The following PACC1 variants were observed in gnomAD, a reference collection of about 807,000 sequenced individuals.
The protein encoded by PACC1 is proton activated chloride channel 1.
PACC1 carries 34 observed loss-of-function variants against 39.7 expected under a neutral mutation model. The ratio of observed to expected loss-of-function variants is 0.86; its 90% confidence interval spans 0.65 to 1.14. The LOEUF is 1.14. Ranked by LOEUF, PACC1 falls within the 50% of genes most tolerant of loss-of-function variation. PACC1 has a pLI of 0.00. For synonymous variants in PACC1, 127 were observed against 160.6 expected (o/e 0.79, Z 1.58); for missense variants, 379 against 436.4 (o/e 0.87, Z 1.17).
rs768121382 is a variant in PACC1 at position 212,380,056 on chromosome 1, C to A, written c.496-19G>T. The A allele has an allele frequency of 8.7e-6, 14 of 1,612,784 alleles. No individual in the cohort carries two copies. The highest frequency in any genetic ancestry group is 1.2e-5 in the Non-Finnish European group (14 of 1,179,764). On this transcript the variant is annotated intron_variant, in intron 4 of 7. Coordinates refer to ENST00000261455, the MANE Select transcript of PACC1 (RefSeq NM_018252.3). ...CAGATTTCTGCAGAGAGAAAAAGGACAGAGTCTCAGTCCTGGGAGAGTACA... is the reference window on the plus strand; with the variant it reads ...CAGATTTCTGCAGAGAGAAAAAGGAAAGAGTCTCAGTCCTGGGAGAGTACA...
intron 7 of PACC1, among the ~76,000 whole-genome samples, chr1:212,365,978 T>C (rs140511096): frequency 6.6e-6 from 1 of 152,238 alleles, no homozygotes; most frequent in African/African-American, 2.4e-5. Flanking sequence ...TCTAGTCCAA[T>C]GGCTGTCTTT....
Position 212,375,218 on chromosome 1 carries a change from T to G in PACC1, c.866A>C (p.Asp289Ala), listed in dbSNP as rs777334103. The G allele has an allele frequency of 1.2e-6, 2 of 1,613,714 alleles. No homozygotes were observed. Among genetic ancestry groups the G allele is most frequent in the East Asian group, 4.5e-5 (2 of 44,882 alleles). Residue 289 changes from aspartate to alanine, a missense_variant, in exon 7 of 8, where the codon GAT becomes GCT. Coordinates refer to ENST00000261455, the MANE Select transcript of PACC1 (RefSeq NM_018252.3). ...QLFFVVFEWKDPFIQKVQDIV... is the reference protein window; with the variant it reads ...QLFFVVFEWKAPFIQKVQDIV... Reference sequence around the variant, plus strand: ...ATCTTGGACTTTCTGGATGAAAGGATCTTTCCATTCAAAGACCACAAAAAA... The same window carrying G: ...ATCTTGGACTTTCTGGATGAAAGGAGCTTTCCATTCAAAGACCACAAAAAA...
At chr1:212,407,056 C>A (rs1661944647) in intron 2 of PACC1, among the ~76,000 whole-genome samples, 2 of 152,200 alleles carry the variant, frequency 1.3e-5, no homozygotes. Context: ...GTGAATATGT[C>A]AAGTTGCATG....
chr1:212,385,211 G>A, intron 4 of PACC1, 63 bp downstream of exon 4: 1 of 1,596,280 alleles, frequency 6.3e-7, no homozygotes, highest in East Asian at 2.2e-5. Flanking sequence ...GGAAACTTGG[G>A]GCCTTGGGTT....
At chr1:212,376,994 T>C (rs1660688814) in intron 6 of PACC1, 1 of 152,328 alleles carries the variant, frequency 6.6e-6, no homozygotes, top group Admixed American at 6.5e-5. Context: ...AAGACAATAA[T>C]AGTATGTTAT....
intron 1 of PACC1, among the ~76,000 whole-genome samples, chr1:212,412,792 C>T (rs1311014423): frequency 1.3e-5 from 2 of 152,232 alleles, no homozygotes; most frequent in African/African-American, 2.4e-5. Flanking sequence ...GCATCCTGGA[C>T]GCAGGAGCTG....
chr1:212,407,299 AG>A (rs1308788149), intron 2 of PACC1, among the ~76,000 whole-genome samples: 1 of 152,228 alleles, frequency 6.6e-6, no homozygotes, highest in Non-Finnish European at 1.5e-5. Flanking sequence ...GGAATGCAGG[AG>A]GCCTCCAGAA....
At chr1:212,402,669 G>C (rs924882666) in intron 2 of PACC1, among the ~76,000 whole-genome samples, 1 of 152,078 alleles carries the variant, frequency 6.6e-6, no homozygotes, top group African/African-American at 2.4e-5. Flanking sequence ...TTTTGAGGGG[G>C]ACGGGAATGG....
intron 7 of PACC1, among the ~76,000 whole-genome samples, chr1:212,369,435 C>T (rs766912946): frequency 4.6e-5 from 7 of 152,258 alleles, no homozygotes; most frequent in East Asian, 1.9e-4. Flanking sequence ...CAAGACCCAA[C>T]GGTATGCTGC....
chr1:212,401,622 C>CAAAAA (rs770201392), intron 2 of PACC1, among the ~76,000 whole-genome samples: 2 of 44,914 alleles, frequency 4.5e-5, no homozygotes, highest in Non-Finnish European at 7.9e-5. Context: ...ACTCTTGTCT[C>CAAAAA]AAAAAAAAAA....
At chr1:212,382,015 A>C (rs1214617204) in intron 4 of PACC1, among the ~76,000 whole-genome samples, 1 of 150,760 alleles carries the variant, frequency 6.6e-6, no homozygotes, top group Non-Finnish European at 1.5e-5. Flanking sequence ...ACTAATACAC[A>C]ATTTGTTAGC....
chr1:212,381,360 C>T (rs1053744076), intron 4 of PACC1, among the ~76,000 whole-genome samples: 7 of 152,272 alleles, frequency 4.6e-5, no homozygotes, highest in Non-Finnish European at 8.8e-5. Flanking sequence ...TTCTGGTTTT[C>T]GTTGCATCTT....
chr1:212,395,785 T>C (rs141188100), intron 2 of PACC1, among the ~76,000 whole-genome samples: 8,092 of 151,330 alleles, frequency 0.053, 334 homozygotes, highest in Admixed American at 0.11. Flanking sequence ...AGGATATGAA[T>C]GGATACTTCT....
intron 2 of PACC1, among the ~76,000 whole-genome samples, chr1:212,398,838 G>C (rs1235986622): frequency 6.6e-6 from 1 of 152,158 alleles, no homozygotes; most frequent in Non-Finnish European, 1.5e-5. Context: ...TTCTCCCCGA[G>C]AAAGTATCCT....
intron 1 of PACC1, among the ~76,000 whole-genome samples, chr1:212,411,939 G>A (rs913533960): frequency 6.6e-6 from 1 of 152,064 alleles, no homozygotes; most frequent in Non-Finnish European, 1.5e-5. Flanking sequence ...TCAGGAGTTC[G>A]AGACCTGCCT....
chr1:212,389,293 A>G (rs1571656425), intron 2 of PACC1, among the ~76,000 whole-genome samples: 1 of 152,190 alleles, frequency 6.6e-6, no homozygotes, highest in Non-Finnish European at 1.5e-5. Context: ...GCAACTAAAT[A>G]TATGTTCAGA....
chr1:212,382,030 A>C (rs1328731319), intron 4 of PACC1, among the ~76,000 whole-genome samples: 8 of 137,654 alleles, frequency 5.8e-5, no homozygotes, highest in Admixed American at 5.2e-4. Context: ...GTTAGCTGAC[A>C]CTGGAGTGTT....
intron 2 of PACC1, among the ~76,000 whole-genome samples, chr1:212,409,208 G>T (rs1662034484): frequency 6.6e-6 from 1 of 152,296 alleles, no homozygotes; most frequent in South Asian, 2.1e-4. Flanking sequence ...GGGGACTGCT[G>T]TAGTAGAACA....
At chr1:212,365,923 T>C (rs1370741703) in intron 7 of PACC1, among the ~76,000 whole-genome samples, 1 of 152,252 alleles carries the variant, frequency 6.6e-6, no homozygotes, top group Non-Finnish European at 1.5e-5. Flanking sequence ...TGAGCTCCTC[T>C]TGTTCCCATC....
Sources: allele counts gnomAD v4.1 joint callset (sites outside exome capture counted in the v4.1 genomes callset), GRCh38; gene constraint gnomAD v4.1.1; transcripts MANE v1.5; gene names NCBI Gene and HGNC (gene_info 2026-07-23, HGNC 2026-07-21).